The following FCHSD2 variants were observed in gnomAD, a reference collection of about 807,000 sequenced individuals.
The protein encoded by FCHSD2 is F-BAR and double SH3 domains protein 2.
Under a neutral mutation model 108.1 loss-of-function variants are expected in FCHSD2, and 38 were observed. The ratio of observed to expected loss-of-function variants is 0.35; its 90% CI spans 0.27 to 0.46. The LOEUF (loss-of-function observed/expected upper bound fraction) is 0.46, where lower values mean the gene tolerates loss of function less well. FCHSD2 is among the 20% of genes least tolerant of loss of function. FCHSD2 has a pLI of 1.00. For missense variants in FCHSD2, 751 were observed against 897.8 expected (o/e 0.84, Z 2.09); for synonymous variants, 279 against 314.7 (o/e 0.89, Z 1.20).
At chr11:72,936,851 G>C (rs1856312520) in intron 8 of FCHSD2, among the ~76,000 whole-genome samples, 1 of 152,030 alleles carries the variant, frequency 6.6e-6, no homozygotes, top group African/African-American at 2.4e-5. Flanking sequence ...TTCAGACATG[G>C]TTTCCTTTAG....
intron 3 of FCHSD2, among the ~76,000 whole-genome samples, chr11:73,066,716 CAACA>C (rs1859302467): frequency 6.6e-6 from 1 of 151,798 alleles, no homozygotes; most frequent in African/African-American, 2.4e-5. Context: ...TTTATGTAGC[CAACA>C]GACATGAAAA....
rs1278775386 is a variant in FCHSD2, at chr11:72,973,367, C to CA, written c.705+10720dup. On this transcript the variant is annotated intron_variant, in intron 8 of 19. Transcript: ENST00000409418. ...GGGCAACAAGAGGAAAGCTCCATCT[C>CA]AAAAAAAAAAGAAAGAAAAGAAAAG... 6.7e-3 allele frequency among the ~76,000 whole-genome samples: 812 copies of CA among 120,454 alleles called. 5 individuals carry two copies. The highest frequency in any genetic ancestry group is 0.022 in the African/African-American group (716 of 32,126). 79.0% of individuals were successfully genotyped at this position (120,454 alleles called of 152,430 possible). A position where few individuals can be genotyped will look rare whatever the true frequency, so the allele number is the denominator to read the frequency against.
At chr11:72,926,776 A>G (rs1394831207) in intron 8 of FCHSD2, among the ~76,000 whole-genome samples, 1 of 152,242 alleles carries the variant, frequency 6.6e-6, no homozygotes, top group African/African-American at 2.4e-5. Context: ...CTGGCACCCC[A>G]GAGATCCCGT....
chr11:73,061,216 A>T (rs1169041022), intron 3 of FCHSD2, among the ~76,000 whole-genome samples: 3 of 152,158 alleles, frequency 2.0e-5, no homozygotes, highest in Non-Finnish European at 2.9e-5. Flanking sequence ...AGGGTCAGGG[A>T]ATGTTTCCCC....
At chr11:73,100,361 G>GTTGTTGTTGTTGTTGTTGTTT (rs1860194395) in intron 2 of FCHSD2, among the ~76,000 whole-genome samples, 1 of 151,912 alleles carries the variant, frequency 6.6e-6, no homozygotes, top group African/African-American at 2.4e-5. Flanking sequence ...TGTTGTTGTT[G>GTTGTTGTTGTTGTTGTTGTTT]TTGTTGTTGT....
chr11:73,034,544 T>C (rs1383852919), intron 3 of FCHSD2, among the ~76,000 whole-genome samples: 5 of 152,192 alleles, frequency 3.3e-5, no homozygotes, highest in African/African-American at 1.2e-4. Flanking sequence ...TTTCCACTCT[T>C]GTGAAAACAT....
chr11:72,873,100 C>T (rs1462284535), intron 12 of FCHSD2, among the ~76,000 whole-genome samples: 4 of 152,122 alleles, frequency 2.6e-5, no homozygotes, highest in African/African-American at 4.8e-5. Flanking sequence ...GAGGCTGAGG[C>T]GGGCAGATCA....
At chr11:73,080,703 G>A (rs964231038) in intron 3 of FCHSD2, among the ~76,000 whole-genome samples, 4 of 152,170 alleles carry the variant, frequency 2.6e-5, no homozygotes, top group South Asian at 2.1e-4. Context: ...CAGCACTTTC[G>A]GAGGCTGAGG....
intron 8 of FCHSD2, among the ~76,000 whole-genome samples, chr11:72,927,788 A>AGGTAGGCTGC (rs1180372792): frequency 2.6e-5 from 4 of 152,214 alleles, no homozygotes; most frequent in Non-Finnish European, 4.4e-5. Flanking sequence ...GCAGGCAGAG[A>AGGTAGGCTGC]AGCCTACCAT....
chr11:73,023,010 A>G (rs532510595), intron 3 of FCHSD2, among the ~76,000 whole-genome samples: 1 of 152,240 alleles, frequency 6.6e-6, no homozygotes, highest in South Asian at 2.1e-4. Flanking sequence ...AAAACAACAA[A>G]AACCCTTGAC....
chr11:73,022,050 C>G (rs1183172067), intron 3 of FCHSD2, among the ~76,000 whole-genome samples: 1 of 152,110 alleles, frequency 6.6e-6, no homozygotes, highest in African/African-American at 2.4e-5. Context: ...GCCATGACTG[C>G]ACCACTGCAC....
At chr11:72,869,447 A>C (rs1482333414) in intron 12 of FCHSD2, 1 of 151,644 alleles carries the variant, frequency 6.6e-6, no homozygotes, top group Non-Finnish European at 1.5e-5. Context: ...GGAAGAAGAG[A>C]GAGAGAGAGA....
At chr11:72,855,803 A>G (rs1300193330) in intron 13 of FCHSD2, among the ~76,000 whole-genome samples, 1 of 152,240 alleles carries the variant, frequency 6.6e-6, no homozygotes. Flanking sequence ...TTATATGAGC[A>G]TACGTATCTG....
chr11:72,976,866 CA>C (rs1857113805), intron 8 of FCHSD2, among the ~76,000 whole-genome samples: 1 of 151,832 alleles, frequency 6.6e-6, no homozygotes, highest in African/African-American at 2.4e-5. Flanking sequence ...TATCTCTCAC[CA>C]TATACAAAAA....
chr11:72,841,400 T>C (rs551248230), intron 18 of FCHSD2, 54 bp downstream of exon 18: 8 of 1,503,966 alleles, frequency 5.3e-6, no homozygotes, highest in South Asian at 1.2e-5. Context: ...CAGGCGAATA[T>C]GTAGGTTTCT....
chr11:73,120,827 A>G (rs1860715718), intron 2 of FCHSD2, among the ~76,000 whole-genome samples: 1 of 151,388 alleles, frequency 6.6e-6, no homozygotes, highest in South Asian at 2.1e-4. Flanking sequence ...AGGTGAAGAT[A>G]TACCAAAAAA....
In FCHSD2 at chr11:72,921,927, A is replaced by C; in HGVS notation, c.729T>G (p.Asp243Glu). The C allele has an allele frequency of 6.3e-7, 1 of 1,595,082 alleles. No individual in the cohort carries two copies. The change falls in exon 9 of 20, where the codon GAT becomes GAG. Residue 243 changes from aspartate to glutamate, a missense_variant. Coordinates refer to ENST00000409418, the MANE Select transcript of FCHSD2 (RefSeq NM_014824.3). ...IMKALDGNVY[D>E]HLKDYLIAFS... is the part of the protein sequence containing the mutation. The stretch of plus-strand genomic sequence containing the variant: ...AGGCTATTAAATAATCCTTGAGATG[A>C]TCATACACATTTCCATCAAGAGCCT...
At chr11:72,890,917 C>T (rs550741952) in intron 10 of FCHSD2, among the ~76,000 whole-genome samples, 4 of 152,158 alleles carry the variant, frequency 2.6e-5, no homozygotes, top group Non-Finnish European at 5.9e-5. Context: ...ATATAAATTA[C>T]CCAAAGAGGC....
At chr11:72,952,705 T>C (rs1264444134) in intron 8 of FCHSD2, among the ~76,000 whole-genome samples, 1 of 152,140 alleles carries the variant, frequency 6.6e-6, no homozygotes, top group East Asian at 1.9e-4. Context: ...TTATATGGAT[T>C]AGTGGAAGAT....
Sources: gnomAD v4.1 joint callset for allele counts (sites outside exome capture counted in the v4.1 genomes callset) on GRCh38, gnomAD v4.1.1 for gene constraint, MANE v1.5 for transcripts, NCBI Gene and HGNC (gene_info 2026-07-23, HGNC 2026-07-21) for gene names.